The following WWOX variants were observed in gnomAD, a reference collection of about 807,000 sequenced individuals.
The protein encoded by WWOX is WW domain-containing oxidoreductase.
In WWOX, 69 loss-of-function variants were observed where a neutral mutation model predicts 46.2. The ratio of observed to expected loss-of-function variants is 1.49; its 90% CI spans 1.23 to 1.82. The LOEUF (loss-of-function observed/expected upper bound fraction) is 1.82. WWOX is among the 40% of genes most tolerant of loss of function. The probability of loss-of-function intolerance (pLI) is 0.00; values close to 1 mark genes in which losing one functional copy is unlikely to be tolerated. For synonymous variants in WWOX, 359 were observed against 202.6 expected, an observed-to-expected ratio of 1.77 and a Z score of -6.56; for missense variants, 919 against 542.6, an observed-to-expected ratio of 1.69 and a Z score of -6.89.
chr16:78,323,379 A>G (rs1316913197), intron 5 of WWOX, among the ~76,000 whole-genome samples: 1 of 152,200 alleles, frequency 6.6e-6, no homozygotes, highest in Non-Finnish European at 1.5e-5. Context: ...TGCTGGGATT[A>G]CAGGCGTGAG....
chr16:78,309,701 C>A (rs1252862641), intron 5 of WWOX, among the ~76,000 whole-genome samples: 1 of 152,174 alleles, frequency 6.6e-6, no homozygotes, highest in African/African-American at 2.4e-5. Flanking sequence ...TAGAGTTTCA[C>A]TCTTTCAATC....
intron 4 of WWOX, chr16:78,123,455 G>GTTTTTTTTTTTTTTTTTTTTT (rs58409419): frequency 1.1e-4 from 7 of 65,532 alleles, no homozygotes; most frequent in Admixed American, 2.0e-4. Flanking sequence ...TTTTTTTTTT[G>GTTTTTTTTTTTTTTTTTTTTT]TTTTTTTTTT....
chr16:78,435,783 C>G (rs1031294496), intron 8 of WWOX, among the ~76,000 whole-genome samples: 2 of 152,134 alleles, frequency 1.3e-5, no homozygotes, highest in Non-Finnish European at 2.9e-5. Context: ...ACTGGAACAA[C>G]TTAGACATGT....
chr16:78,797,915 G>T (rs1169147059), intron 8 of WWOX, among the ~76,000 whole-genome samples: 1 of 152,226 alleles, frequency 6.6e-6, no homozygotes, highest in African/African-American at 2.4e-5. Flanking sequence ...TTGAGCCCAA[G>T]AGGTCAAGAC....
chr16:78,329,866 C>A (rs1018676125), intron 5 of WWOX, among the ~76,000 whole-genome samples: 2 of 151,894 alleles, frequency 1.3e-5, no homozygotes, highest in African/African-American at 4.8e-5. Context: ...CCCACCTCAA[C>A]CTCCCAAGTA....
chr16:78,374,254 C>A, intron 5 of WWOX, among the ~76,000 whole-genome samples: 1 of 152,028 alleles, frequency 6.6e-6, no homozygotes, highest in East Asian at 1.9e-4. Context: ...GTCTTACGTA[C>A]ATGTTTAAAT....
intron 8 of WWOX, among the ~76,000 whole-genome samples, chr16:78,543,079 C>G (rs1248778155): frequency 6.6e-6 from 1 of 152,228 alleles, no homozygotes; most frequent in African/African-American, 2.4e-5. Context: ...ACATGTGTTT[C>G]ATTTCTTGCT....
At chr16:78,328,567 G>A (rs909284517) in intron 5 of WWOX, among the ~76,000 whole-genome samples, 3 of 152,170 alleles carry the variant, frequency 2.0e-5, no homozygotes, top group East Asian at 1.9e-4. Flanking sequence ...AGTATTTATT[G>A]TAGGCCTGTA....
intron 8 of WWOX, among the ~76,000 whole-genome samples, chr16:79,122,138 G>A (rs566456870): frequency 6.6e-6 from 1 of 152,212 alleles, no homozygotes; most frequent in South Asian, 2.1e-4. Context: ...CGCGTGGGCC[G>A]GGAACACAGC....
chr16:78,424,463 A>G (rs1267901370), intron 6 of WWOX, among the ~76,000 whole-genome samples: 3 of 152,164 alleles, frequency 2.0e-5, no homozygotes, highest in Non-Finnish European at 4.4e-5. Flanking sequence ...TTTATTAGTC[A>G]TAACTACTTT....
rs879488274 is a variant in WWOX, at chr16:79,015,279, A to T, written c.1057-196329A>T. Among the ~76,000 whole-genome samples the T allele has an allele frequency of 2.6e-5, 4 of 152,320 alleles. No individual in the cohort carries two copies. The South Asian group carries it at 8.3e-4, about 32-fold the overall frequency. ...GGAAAAAGCGAGACAATGGGGTCAG[A>T]GGAAGCTCAGCTGAACAGATGAAGT... On this transcript the variant is annotated intron_variant, in intron 8 of 8. Coordinates refer to ENST00000566780, the MANE Select transcript of WWOX (RefSeq NM_016373.4).
intron 8 of WWOX, among the ~76,000 whole-genome samples, chr16:79,045,780 CTTTTTTTT>C (rs770463813): frequency 1.3e-4 from 7 of 54,232 alleles, no homozygotes; most frequent in African/African-American, 2.7e-4. Flanking sequence ...TTTTCTTTTC[CTTTTTTTT>C]TTTTTTTTTT....
chr16:78,697,602 G>A (rs1477081083), intron 8 of WWOX, among the ~76,000 whole-genome samples: 1 of 152,104 alleles, frequency 6.6e-6, no homozygotes, highest in Non-Finnish European at 1.5e-5. Flanking sequence ...GACATGAATA[G>A]ACAGTTCTCA....
intron 8 of WWOX, among the ~76,000 whole-genome samples, chr16:79,010,288 C>T (rs752409174): frequency 1.2e-4 from 19 of 152,188 alleles, no homozygotes; most frequent in South Asian, 2.1e-4. Context: ...GGGAGACACT[C>T]ACATTAGAGA....
chr16:78,913,744 C>T (rs924113131), intron 8 of WWOX, among the ~76,000 whole-genome samples: 1 of 151,822 alleles, frequency 6.6e-6, no homozygotes, highest in Admixed American at 6.6e-5. Flanking sequence ...TCACTGCAGC[C>T]TCCAACTCCT....
At chr16:79,005,664 A>G (rs2347083) in intron 8 of WWOX, among the ~76,000 whole-genome samples, 18,682 of 152,052 alleles carry the variant, frequency 0.12, 2,490 homozygotes, top group African/African-American at 0.34. Context: ...TATGTCTTCA[A>G]TGTTCTTCTT....
intron 8 of WWOX, among the ~76,000 whole-genome samples, chr16:79,107,431 TTC>T (rs1301343289): frequency 3.3e-5 from 5 of 152,246 alleles, no homozygotes; most frequent in Admixed American, 1.3e-4. Flanking sequence ...ATCCTTGCTG[TTC>T]TGTTTTTCCC....
chr16:78,312,852 G>C (rs556201103), intron 5 of WWOX, among the ~76,000 whole-genome samples: 1 of 152,204 alleles, frequency 6.6e-6, no homozygotes, highest in African/African-American at 2.4e-5. Flanking sequence ...TAAGTGGTCA[G>C]CCTCCGAGGT....
intron 8 of WWOX, among the ~76,000 whole-genome samples, chr16:78,960,884 C>T (rs937649196): frequency 6.6e-6 from 1 of 152,194 alleles, no homozygotes; most frequent in Non-Finnish European, 1.5e-5. Flanking sequence ...CTTTTGAAGA[C>T]TTGATGTCAA....
Sources: gnomAD v4.1 joint callset for allele counts (sites outside exome capture counted in the v4.1 genomes callset) on GRCh38, gnomAD v4.1.1 for gene constraint, MANE v1.5 for transcripts, NCBI Gene and HGNC (gene_info 2026-07-23, HGNC 2026-07-21) for gene names.